The following PRKG1 variants were observed in gnomAD, a reference collection of about 807,000 sequenced individuals.
The protein encoded by PRKG1 is cGMP-dependent protein kinase 1.
A neutral mutation model predicts 88.1 loss-of-function variants in PRKG1; 35 were observed. That is an observed-to-expected ratio of 0.40 (90% CI 0.30 to 0.53). The LOEUF is 0.53. Ranked by LOEUF, PRKG1 falls within the 20% of genes least tolerant of loss-of-function variation. The probability of loss-of-function intolerance (pLI) is 0.59; values close to 1 mark genes in which losing one functional copy is unlikely to be tolerated. For synonymous variants in PRKG1, 303 were observed against 292.5 expected, an observed-to-expected ratio of 1.04 and a Z score of -0.37; for missense variants, 540 against 839.8, an observed-to-expected ratio of 0.64 and a Z score of 4.41.
chr10:51,681,206 T>C (rs1159760358), intron 3 of PRKG1, among the ~76,000 whole-genome samples: 1 of 152,194 alleles, frequency 6.6e-6, no homozygotes, highest in African/African-American at 2.4e-5. Flanking sequence ...AAAATGTATC[T>C]ATTCAATTTC....
chr10:52,072,682 A>G (rs548133224), intron 7 of PRKG1, among the ~76,000 whole-genome samples: 1 of 152,238 alleles, frequency 6.6e-6, no homozygotes, highest in East Asian at 1.9e-4. Context: ...TCTTCTCCTA[A>G]AATTTCCTCT....
chr10:51,833,222 G>C (rs577712591), intron 4 of PRKG1, among the ~76,000 whole-genome samples: 2 of 152,254 alleles, frequency 1.3e-5, no homozygotes, highest in Middle Eastern at 3.4e-3. Flanking sequence ...AAAGGGCCTT[G>C]TATAAAGGTG....
intron 2 of PRKG1, among the ~76,000 whole-genome samples, chr10:51,352,984 C>T (rs1359780921): frequency 6.6e-6 from 1 of 151,948 alleles, no homozygotes; most frequent in Non-Finnish European, 1.5e-5. Flanking sequence ...AACCCAGAAA[C>T]AAATCCACAC....
chr10:52,143,663 A>G (rs1321867508), intron 8 of PRKG1, among the ~76,000 whole-genome samples: 1 of 152,146 alleles, frequency 6.6e-6, no homozygotes, highest in African/African-American at 2.4e-5. Context: ...CATGTACTGT[A>G]GTAGCCAGAC....
chr10:51,795,521 G>A (rs1426424421), intron 3 of PRKG1, among the ~76,000 whole-genome samples: 2 of 152,104 alleles, frequency 1.3e-5, no homozygotes, highest in Non-Finnish European at 2.9e-5. Context: ...TGAAGCATTT[G>A]TCTCAGAACA....
chr10:51,599,432 A>C (rs936194859), intron 3 of PRKG1, among the ~76,000 whole-genome samples: 4 of 152,226 alleles, frequency 2.6e-5, no homozygotes, highest in Admixed American at 6.5e-5. Context: ...ACTTTGTAAG[A>C]ATCCAAATCC....
chr10:51,200,188 T>C (rs1837877180), intron 2 of PRKG1, among the ~76,000 whole-genome samples: 1 of 151,856 alleles, frequency 6.6e-6, no homozygotes, highest in Admixed American at 6.6e-5. Flanking sequence ...ATCACAGAGG[T>C]TGTAAATTCA....
chr10:51,162,786 A>G (rs1192978885), intron 2 of PRKG1, among the ~76,000 whole-genome samples: 7 of 152,170 alleles, frequency 4.6e-5, no homozygotes, highest in Non-Finnish European at 1.0e-4. Flanking sequence ...TGGCTGGATC[A>G]TAGCTCACTG....
At chr10:51,500,098 G>T (rs553789227) in intron 3 of PRKG1, among the ~76,000 whole-genome samples, 2 of 152,146 alleles carry the variant, frequency 1.3e-5, no homozygotes, top group South Asian at 2.1e-4. Context: ...TTTTTTTATT[G>T]TTCATGAAAG....
At chr10:51,883,019 G>T (rs545867710) in intron 4 of PRKG1, among the ~76,000 whole-genome samples, 1 of 152,286 alleles carries the variant, frequency 6.6e-6, no homozygotes, top group South Asian at 2.1e-4. Flanking sequence ...ATTTGAACTG[G>T]TAGTAAGTAA....
chr10:51,167,232 C>G (rs571027226), intron 2 of PRKG1, among the ~76,000 whole-genome samples: 1 of 152,144 alleles, frequency 6.6e-6, no homozygotes, highest in Non-Finnish European at 1.5e-5. Context: ...TCAGGGTAGA[C>G]TTCCCTGGGA....
rs141123829 is a variant in PRKG1 at position 51,145,612 on chromosome 10, C to A, written c.312-7552C>A. On this transcript the variant is annotated intron_variant, in intron 1 of 17. Coordinates refer to ENST00000373980, the MANE Select transcript of PRKG1 (RefSeq NM_006258.4). ...TGCTCTATTTTTAGTTAGGCTCACG[C>A]GTAAAATGCATCTCTAGAGAGCTGA... Among the ~76,000 whole-genome samples, 710 of 152,196 alleles carry A rather than the reference C, an allele frequency of 4.7e-3. 3 individuals are homozygous for A. The highest frequency in any genetic ancestry group is 6.3e-3 in the Non-Finnish European group (428 of 68,008).
At chr10:52,025,427 C>A (rs1285416487) in intron 5 of PRKG1, among the ~76,000 whole-genome samples, 2 of 152,012 alleles carry the variant, frequency 1.3e-5, no homozygotes, top group African/African-American at 4.8e-5. Context: ...ATGGTATTGC[C>A]TTGGTTTTCT....
chr10:51,969,472 C>G (rs929443416), intron 5 of PRKG1, among the ~76,000 whole-genome samples: 49 of 152,074 alleles, frequency 3.2e-4, no homozygotes, highest in Admixed American at 2.3e-3. Context: ...ATAACTCAAG[C>G]CTTTTCCCTG....
At chr10:52,147,587 T>C (rs1837766789) in intron 8 of PRKG1, among the ~76,000 whole-genome samples, 1 of 152,020 alleles carries the variant, frequency 6.6e-6, no homozygotes, top group Non-Finnish European at 1.5e-5. Flanking sequence ...ACAAAGTAAG[T>C]GGTAACTGGA....
chr10:52,054,017 AATAAT>A (rs1846050500), intron 5 of PRKG1, among the ~76,000 whole-genome samples: 1 of 152,190 alleles, frequency 6.6e-6, no homozygotes, highest in Non-Finnish European at 1.5e-5. Flanking sequence ...TGACAAATAA[AATAAT>A]ATAGAATGAG....
chr10:51,777,341 C>T (rs1838466497), intron 3 of PRKG1, among the ~76,000 whole-genome samples: 1 of 152,106 alleles, frequency 6.6e-6, no homozygotes, highest in South Asian at 2.1e-4. Context: ...AAATACCCTT[C>T]ACCCTCCCTC....
intron 2 of PRKG1, among the ~76,000 whole-genome samples, chr10:51,203,070 C>T (rs192227811): frequency 1.3e-4 from 19 of 151,996 alleles, no homozygotes; most frequent in Admixed American, 7.9e-4. Flanking sequence ...ACTCATAAGA[C>T]TTGGCAAGTT....
intron 3 of PRKG1, among the ~76,000 whole-genome samples, chr10:51,522,970 C>G (rs1841774475): frequency 6.6e-6 from 1 of 152,156 alleles, no homozygotes; most frequent in African/African-American, 2.4e-5. Context: ...GTGATCCTAT[C>G]CTTTATTGAT....
Sources: allele counts gnomAD v4.1 joint callset (sites outside exome capture counted in the v4.1 genomes callset), GRCh38; gene constraint gnomAD v4.1.1; transcripts MANE v1.5; gene names NCBI Gene and HGNC (gene_info 2026-07-23, HGNC 2026-07-21).